CCBE1: variants seen among roughly 807,000 people sequenced by gnomAD.
CCBE1 encodes collagen and calcium-binding EGF domain-containing protein 1.
In CCBE1, 37 loss-of-function variants were observed where a neutral mutation model predicts 50.0. The ratio of observed to expected loss-of-function variants is 0.74; its 90% confidence interval spans 0.57 to 0.97. The LOEUF (loss-of-function observed/expected upper bound fraction) is 0.97. Ranked by LOEUF, CCBE1 falls within the 50% of genes least tolerant of loss-of-function variation. CCBE1 has a pLI of 0.00. For synonymous variants in CCBE1, 234 were observed against 203.7 expected, an observed-to-expected ratio of 1.15 and a Z score of -1.27; for missense variants, 538 against 523.8, an observed-to-expected ratio of 1.03 and a Z score of -0.26.
chr18:59,618,804 G>A (rs2053672510), intron 2 of CCBE1, among the ~76,000 whole-genome samples: 17 of 151,934 alleles, frequency 1.1e-4, no homozygotes, highest in Admixed American at 9.2e-4. Flanking sequence ...AAGAGGAAGT[G>A]CTCAGAATTT....
intron 2 of CCBE1, among the ~76,000 whole-genome samples, chr18:59,572,630 A>G (rs183192170): frequency 3.9e-4 from 60 of 152,342 alleles, no homozygotes; most frequent in African/African-American, 1.4e-3. Context: ...GATAATTTCT[A>G]TTGGTTGGTT....
At chr18:59,590,340 T>C (rs938725616) in intron 2 of CCBE1, among the ~76,000 whole-genome samples, 9 of 152,092 alleles carry the variant, frequency 5.9e-5, no homozygotes, top group Admixed American at 2.6e-4. Flanking sequence ...TTGAAAAACA[T>C]AAATGAAGAA....
At chr18:59,611,783 A>G (rs1001640186) in intron 2 of CCBE1, among the ~76,000 whole-genome samples, 2 of 152,180 alleles carry the variant, frequency 1.3e-5, no homozygotes, top group African/African-American at 4.8e-5. Flanking sequence ...TTTTCTGTAT[A>G]CCAAATACAG....
intron 2 of CCBE1, among the ~76,000 whole-genome samples, chr18:59,485,097 C>T (rs1434963946): frequency 6.6e-6 from 1 of 152,010 alleles, no homozygotes; most frequent in South Asian, 2.1e-4. Context: ...ATTCTTAATA[C>T]CCTTCACGTG....
intron 2 of CCBE1, among the ~76,000 whole-genome samples, chr18:59,542,173 C>CAA (rs55950963): frequency 0.29 from 39,020 of 134,666 alleles, 5,748 homozygotes; most frequent in East Asian, 0.41. Context: ...GATCCTGTCT[C>CAA]AAAAAAAAAA....
intron 2 of CCBE1, among the ~76,000 whole-genome samples, chr18:59,496,984 A>G (rs1913385836): frequency 6.6e-6 from 1 of 152,200 alleles, no homozygotes; most frequent in South Asian, 2.1e-4. Context: ...ATTATATATG[A>G]GCTTACATTT....
intron 2 of CCBE1, among the ~76,000 whole-genome samples, chr18:59,595,194 A>G (rs1012915740): frequency 2.0e-5 from 3 of 147,832 alleles, no homozygotes; most frequent in African/African-American, 5.0e-5. Flanking sequence ...CCTCCCTTGC[A>G]CAGGCCTGGC....
chr18:59,473,162 C>T (rs925253529), intron 3 of CCBE1, among the ~76,000 whole-genome samples: 7 of 152,144 alleles, frequency 4.6e-5, no homozygotes, highest in African/African-American at 1.2e-4. Context: ...TGAAAAATGT[C>T]ATAAAAGGGG....
In CCBE1 at chr18:59,697,200, T is replaced by TA. The variant is rs2054820643; in HGVS notation, c.131+11_131+12insT. The TA allele has an allele frequency of 3.9e-6, 6 of 1,548,200 alleles. No individual in the cohort carries two copies. The highest frequency in any genetic ancestry group is 4.4e-6 in the Non-Finnish European group (5 of 1,146,658). On this transcript the variant is annotated intron_variant, in intron 1 of 10. Coordinates refer to ENST00000439986, the MANE Select transcript of CCBE1 (RefSeq NM_133459.4). ...CAGGAGCTCGCCCTCCGCTGGGGCT[T>TA]GCAGCGCTTACCTGTCGCCGTCCTC...
At chr18:59,533,760 T>G (rs540055220) in intron 2 of CCBE1, among the ~76,000 whole-genome samples, 1 of 152,332 alleles carries the variant, frequency 6.6e-6, no homozygotes, top group South Asian at 2.1e-4. Flanking sequence ...TTCTTTAAAT[T>G]GTTTTGCTTA....
intron 2 of CCBE1, among the ~76,000 whole-genome samples, chr18:59,609,851 GGGT>G (rs2053547038): frequency 6.6e-6 from 1 of 152,178 alleles, no homozygotes; most frequent in African/African-American, 2.4e-5. Context: ...CAAGATGATT[GGGT>G]AAGTACCAGG....
At chr18:59,574,031 G>A (rs2052954638) in intron 2 of CCBE1, among the ~76,000 whole-genome samples, 1 of 152,110 alleles carries the variant, frequency 6.6e-6, no homozygotes, top group South Asian at 2.1e-4. Flanking sequence ...ATTTCAAACA[G>A]GACATGTTCT....
At chr18:59,451,433 T>TAA (rs34421089) in intron 6 of CCBE1, among the ~76,000 whole-genome samples, 1,655 of 99,228 alleles carry the variant, frequency 0.017, 40 homozygotes, top group Middle Eastern at 0.06. Flanking sequence ...ACAAGCAACT[T>TAA]AAAAAAAAAA....
At chr18:59,554,629 A>G (rs975687263) in intron 2 of CCBE1, among the ~76,000 whole-genome samples, 2 of 152,236 alleles carry the variant, frequency 1.3e-5, no homozygotes, top group Admixed American at 1.3e-4. Flanking sequence ...GAACTCTAGT[A>G]TAGAACAGGC....
chr18:59,674,965 CAA>C (rs1367318795), intron 2 of CCBE1, among the ~76,000 whole-genome samples: 8 of 152,102 alleles, frequency 5.3e-5, no homozygotes, highest in Non-Finnish European at 7.4e-5. Context: ...AGATTTTGCT[CAA>C]AAGTCTTTTC....
chr18:59,636,308 TAA>T (rs1180430647), intron 2 of CCBE1, among the ~76,000 whole-genome samples: 2 of 152,160 alleles, frequency 1.3e-5, no homozygotes, highest in Non-Finnish European at 2.9e-5. Context: ...GCACTTAGGA[TAA>T]AGAGTCATTT....
At position 59,454,905 on chromosome 18, in the gene CCBE1, G is replaced by A; in HGVS notation, c.600C>T (p.Ala200=). The A allele has an allele frequency of 2.5e-6, 4 of 1,614,198 alleles. No individual in the cohort carries two copies. Among genetic ancestry groups the A allele is most frequent in the Non-Finnish European group, 3.4e-6 (4 of 1,180,016 alleles). The change falls in exon 6 of 11, where the codon GCC becomes GCT. Residue 200 remains alanine, a synonymous_variant. Transcript: ENST00000439986. ...ENMVKAGTCC[A]TCKEFYQMKQ... ...TCATCTGGTAGAACTCCTTGCATGTGGCACAGCAAGTTCCGGCTTTCACCA... is the reference window on the plus strand; with the variant it reads ...TCATCTGGTAGAACTCCTTGCATGTAGCACAGCAAGTTCCGGCTTTCACCA...
intron 2 of CCBE1, among the ~76,000 whole-genome samples, chr18:59,677,646 C>T (rs1406680422): frequency 1.3e-5 from 2 of 151,810 alleles, no homozygotes; most frequent in Non-Finnish European, 2.9e-5. Flanking sequence ...ACTCAGGAGG[C>T]AGGAGGATCA....
At chr18:59,631,448 A>G (rs2053847155) in intron 2 of CCBE1, among the ~76,000 whole-genome samples, 1 of 152,186 alleles carries the variant, frequency 6.6e-6, no homozygotes, top group South Asian at 2.1e-4. Context: ...TCCAGAAACA[A>G]TGAGAGAGGA....
Sources: allele counts gnomAD v4.1 joint callset (sites outside exome capture counted in the v4.1 genomes callset), GRCh38; gene constraint gnomAD v4.1.1; transcripts MANE v1.5; gene names NCBI Gene and HGNC (gene_info 2026-07-23, HGNC 2026-07-21).